POLR3F: variants seen among roughly 807,000 people sequenced by gnomAD.
POLR3F encodes the protein DNA-directed RNA polymerase III subunit RPC6.
In POLR3F, 31 loss-of-function variants were observed where a neutral mutation model predicts 43.6. The ratio of observed to expected loss-of-function variants is 0.71; its 90% CI spans 0.53 to 0.96. The LOEUF (loss-of-function observed/expected upper bound fraction) is 0.96. Among genes scored for constraint, POLR3F ranks in the 40% least tolerant of loss-of-function variants. The pLI is 0.00. For synonymous variants in POLR3F, 114 were observed against 132.5 expected (o/e 0.86, Z 0.96); for missense variants, 316 against 391.7 (o/e 0.81, Z 1.63).
intron 5 of POLR3F, among the ~76,000 whole-genome samples, chr20:18,477,081 GAAAA>G (rs200618300): frequency 1.1e-5 from 1 of 91,162 alleles, no homozygotes; most frequent in African/African-American, 3.7e-5. Context: ...CTCAAAAAAA[GAAAA>G]AAAAAAAAAA....
chr20:18,477,081 GAAA>G (rs200618300), intron 5 of POLR3F, among the ~76,000 whole-genome samples: 8 of 91,158 alleles, frequency 8.8e-5, no homozygotes, highest in Non-Finnish European at 1.8e-4. Flanking sequence ...CTCAAAAAAA[GAAA>G]AAAAAAAAAA....
In POLR3F at chr20:18,481,604, G is replaced by A. The variant is rs1375886801; in HGVS notation, c.682-15G>A. The A allele has an allele frequency of 1.9e-6, 3 of 1,554,206 alleles. No individual in the cohort carries two copies. Among genetic ancestry groups the A allele is most frequent in the Non-Finnish European group, 1.8e-6 (2 of 1,125,730 alleles). ...CTATCCTACTTGTGTCCTTTCTGATGTATCCCTTTTTTAGGTAGAGTTATC... is the reference window on the plus strand; with the variant it reads ...CTATCCTACTTGTGTCCTTTCTGATATATCCCTTTTTTAGGTAGAGTTATC... On this transcript the variant is annotated splice_polypyrimidine_tract_variant and intron_variant, in intron 7 of 8. Transcript: ENST00000377603.
chr20:18,479,871 C>G (rs531675038), intron 5 of POLR3F, among the ~76,000 whole-genome samples, 167 bp from the exon 6 acceptor site: 22 of 152,168 alleles, frequency 1.4e-4, no homozygotes, highest in Admixed American at 5.9e-4. Context: ...GTGTACCACA[C>G]TAATCCAAGA....
intron 5 of POLR3F, among the ~76,000 whole-genome samples, chr20:18,479,277 C>T (rs530495712): frequency 1.3e-5 from 2 of 152,184 alleles, no homozygotes; most frequent in East Asian, 1.9e-4. Flanking sequence ...GGGAGGATCA[C>T]GAGGTCAAGA....
chr20:18,467,641 G>A, intron 1 of POLR3F, 73 bp downstream of exon 1: 1 of 1,606,954 alleles, frequency 6.2e-7, no homozygotes, highest in African/African-American at 1.3e-5. Flanking sequence ...CCCTTCTCCG[G>A]GATCCCTTGG....
At chr20:18,478,363 G>A (rs957990948) in intron 5 of POLR3F, among the ~76,000 whole-genome samples, 4 of 152,092 alleles carry the variant, frequency 2.6e-5, no homozygotes, top group African/African-American at 7.2e-5. Context: ...CTATAGGCAC[G>A]TGCCACCATG....
Position 18,480,422 on chromosome 20 carries a change from C to G in POLR3F, c.594C>G (p.Ser198Arg). Reference protein sequence around the residue: ...LQSKAETARESKQNPMIQRNS... With the variant: ...LQSKAETARERKQNPMIQRNS... ...TATAGGCAGAAACAGCACGAGAAAG[C>G]AAACAGAACCCAATGATACAAAGAA... is the stretch of plus-strand genomic sequence containing the variant. The change falls in exon 7 of 9, where the codon AGC becomes AGG. Residue 198 changes from serine to arginine, a missense_variant. Ser to Arg is a moderately radical substitution (Grantham distance 110). This residue lies in a region of POLR3F where 109 missense variants were observed against 177.7 expected (regional missense o/e 0.61). Transcript: ENST00000377603. 1 of 1,609,990 alleles carries G rather than the reference C, an allele frequency of 6.2e-7. No homozygotes were observed. Among genetic ancestry groups the G allele is most frequent in the African/African-American group, 1.3e-5 (1 of 74,950 alleles).
chr20:18,475,690 T>C (rs1226156251), intron 5 of POLR3F, among the ~76,000 whole-genome samples: 2 of 152,204 alleles, frequency 1.3e-5, no homozygotes, highest in African/African-American at 4.8e-5. Context: ...CTCACTGATT[T>C]AGACATCAGA....
intron 8 of POLR3F, among the ~76,000 whole-genome samples, chr20:18,482,744 T>C (rs2059817207): frequency 6.6e-6 from 1 of 152,216 alleles, no homozygotes; most frequent in Non-Finnish European, 1.5e-5. Context: ...CCTGTGTGTG[T>C]TTTATTTCAT....
chr20:18,470,943 C>T (rs2059746536), intron 2 of POLR3F, among the ~76,000 whole-genome samples: 1 of 152,168 alleles, frequency 6.6e-6, no homozygotes, highest in Non-Finnish European at 1.5e-5. Flanking sequence ...TGGCTTTTAC[C>T]TGGACAGCTG....
At chr20:18,479,902 G>A in intron 5 of POLR3F, 136 bp from the exon 6 acceptor site, 1 of 550,856 alleles carries the variant, frequency 1.8e-6, no homozygotes, top group Admixed American at 3.5e-5. Flanking sequence ...AGGGGAAACA[G>A]CATGATGTAT....
rs1379647734 is a variant in POLR3F at position 18,484,183 on chromosome 20, T to G, written c.*625T>G. The G allele has an allele frequency of 2.5e-6, 1 of 398,492 alleles. No homozygotes were observed. The highest frequency in any genetic ancestry group is 2.1e-5 in the African/African-American group (1 of 48,654). The allele number at this position is 398,492 out of a possible 1,614,324, so 24.7% of individuals were successfully genotyped here. A position where few individuals can be genotyped will look rare whatever the true frequency, so the allele number is the denominator to read the frequency against. On this transcript the variant is annotated 3_prime_UTR_variant, in exon 9 of 9. Coordinates refer to ENST00000377603, the MANE Select transcript of POLR3F (RefSeq NM_006466.4). ...TACTTACTTCAAACCCAATGACTACTGTCAAGGACATATTTTCAGTACATA... is the reference window on the plus strand; with the variant it reads ...TACTTACTTCAAACCCAATGACTACGGTCAAGGACATATTTTCAGTACATA...
rs2059811512 is a variant in POLR3F, at chr20:18,481,793, C to T, written c.856C>T (p.Pro286Ser). 6.2e-7 allele frequency: 1 copy of T among 1,612,088 alleles called. No individual in the cohort carries two copies. The highest frequency in any genetic ancestry group is 8.5e-7 in the Non-Finnish European group (1 of 1,178,434). The part of the protein sequence containing the change: ...IIPPTGLVRA[P>S]CGLCPVFDDC... ...CCCTCCCACAGGTTTGGTCCGGGCA[C>T]CCTGTGGACTCTGCCCGGTGAGTTA... The change falls in exon 8 of 9, where the codon CCC (proline) becomes TCC (serine). Residue 286 changes from proline (P) to serine (S), a missense_variant. Transcript: ENST00000377603.
intron 7 of POLR3F, 34 bp from the exon 8 acceptor site, chr20:18,481,585 T>TA (rs757836379): frequency 2.7e-5 from 38 of 1,415,106 alleles, no homozygotes; most frequent in Non-Finnish European, 3.7e-5. Context: ...CTCCCTATCC[T>TA]ACTTGTGTCC....
chr20:18,470,162 C>G (rs1169862316), intron 2 of POLR3F, among the ~76,000 whole-genome samples: 1 of 152,218 alleles, frequency 6.6e-6, no homozygotes, highest in African/African-American at 2.4e-5. Flanking sequence ...AAGAGCATTT[C>G]AGTTTGGCTT....
At chr20:18,469,426 G>A in intron 2 of POLR3F, 2 of 173,616 alleles carry the variant, frequency 1.2e-5, no homozygotes, top group South Asian at 1.4e-4. Context: ...ACTTGGACTG[G>A]TATCTACACC....
chr20:18,470,003 C>A (rs1359470158), intron 2 of POLR3F, among the ~76,000 whole-genome samples: 2 of 152,158 alleles, frequency 1.3e-5, no homozygotes, highest in African/African-American at 4.8e-5. Flanking sequence ...GCAGCCTTAG[C>A]CCCCAGTGAC....
intron 4 of POLR3F, 60 bp from the exon 5 acceptor site, chr20:18,475,014 GA>G: frequency 1.4e-6 from 1 of 738,220 alleles, no homozygotes; most frequent in Non-Finnish European, 2.4e-6. Context: ...CAAGTTAGAG[GA>G]ATAACATTAA....
Position 18,484,027 on chromosome 20 carries a change from AG to A in POLR3F, c.*473del, listed in dbSNP as rs2059824558. On this transcript the variant is annotated 3_prime_UTR_variant, in exon 9 of 9. Coordinates refer to ENST00000377603, the MANE Select transcript of POLR3F (RefSeq NM_006466.4). ...GTGGTTTCATTGAAAAGAAATTAGAAGGGGTTAAAGGCAGGAATAGCAAAGA... is the reference window on the plus strand; with the variant it reads ...GTGGTTTCATTGAAAAGAAATTAGAAGGGTTAAAGGCAGGAATAGCAAAGA... 1 of 398,394 alleles carries A rather than the reference AG, an allele frequency of 2.5e-6. No homozygotes were observed. Among genetic ancestry groups the A allele is most frequent in the South Asian group, 1.3e-4 (1 of 7,862 alleles). The allele number at this position is 398,394 out of a possible 1,614,324, so 24.7% of individuals were successfully genotyped here. A position where few individuals can be genotyped will look rare whatever the true frequency, so the allele number is the denominator to read the frequency against.
Sources: allele counts gnomAD v4.1 joint callset (sites outside exome capture counted in the v4.1 genomes callset), GRCh38; gene constraint gnomAD v4.1.1; regional missense constraint gnomAD v4.1.1; transcripts MANE v1.5; gene names NCBI Gene and HGNC (gene_info 2026-07-23, HGNC 2026-07-21).